The following KDM7A variants were observed in gnomAD, a reference collection of about 807,000 sequenced individuals.
KDM7A encodes lysine demethylase 7A.
A neutral mutation model predicts 114.8 loss-of-function variants in KDM7A; 28 were observed. That is an observed-to-expected ratio of 0.24 (90% CI 0.18 to 0.33). The LOEUF is 0.33. Ranked by LOEUF, KDM7A falls within the 10% of genes least tolerant of loss-of-function variation. The pLI is 1.00. For synonymous variants in KDM7A, 423 were observed against 397.8 expected (o/e 1.06, Z -0.75); for missense variants, 942 against 1,142.5 (o/e 0.82, Z 2.53).
At chr7:140,121,152 C>T (rs1818612444) in intron 7 of KDM7A, among the ~76,000 whole-genome samples, 3 of 152,274 alleles carry the variant, frequency 2.0e-5, no homozygotes, top group Middle Eastern at 3.4e-3. Flanking sequence ...AGATTACTCA[C>T]ATTTAATTAT....
chr7:140,092,266 T>A, intron 18 of KDM7A, 189 bp from the exon 19 acceptor site: 1 of 596,380 alleles, frequency 1.7e-6, no homozygotes, highest in Non-Finnish European at 2.9e-6. Context: ...GACTCGGGTC[T>A]TTAAGTTGCA....
intron 9 of KDM7A, among the ~76,000 whole-genome samples, chr7:140,115,463 G>A (rs961903681): frequency 6.6e-6 from 1 of 152,218 alleles, no homozygotes; most frequent in East Asian, 1.9e-4. Context: ...AAATTCTTCT[G>A]CCTTGGGATG....
rs765890685 is a variant in KDM7A, at chr7:140,129,524, T to C, written c.528A>G (p.Thr176=). 6 of 1,613,576 alleles carry C rather than the reference T, an allele frequency of 3.7e-6. No homozygotes were observed. In the Admixed American group the frequency reaches 5.0e-5, roughly 13 times the overall value. Reference sequence around the variant, plus strand: ...AACGTTCCACATCCATCACAGAAAATGTAGGTGAAGGGAGCCTGAGTCCTA... The same window carrying C: ...AACGTTCCACATCCATCACAGAAAACGTAGGTGAAGGGAGCCTGAGTCCTA... The part of the protein sequence containing the change: ...DDLGLRLPSP[T]FSVMDVERYV... The change falls in exon 4 of 20, where the codon ACA becomes ACG. Residue 176 remains threonine, a synonymous_variant. Transcript: ENST00000397560.
rs895233708 is a variant in KDM7A at position 140,127,158 on chromosome 7, G to C, written c.701+284C>G. ...GTATTTTTAGTAGAGAGGGGGTTAC[G>C]CCATGTTGGCCAGGCTGGTTTTGAA... On this transcript the variant is annotated intron_variant, in intron 5 of 19. Coordinates refer to ENST00000397560, the MANE Select transcript of KDM7A (RefSeq NM_030647.2). Among the ~76,000 whole-genome samples, 6 of 152,210 alleles carry C rather than the reference G, an allele frequency of 3.9e-5. No homozygotes were observed. The East Asian group carries it at 7.7e-4, about 20-fold the overall frequency.
rs1228460143 is a variant in KDM7A at position 140,127,601 on chromosome 7, A to T, written c.560-18T>A. 6.2e-7 allele frequency: 1 copy of T among 1,610,186 alleles called. No individual in the cohort carries two copies. The highest frequency in any genetic ancestry group is 1.3e-5 in the African/African-American group (1 of 74,806). On this transcript the variant is annotated intron_variant, in intron 4 of 19. Transcript: ENST00000397560. ...GTCACCACCTGCAGAGAAAAATTAC[A>T]GTCTTATTATTGGACTTAAGAGTTA...
Position 140,130,360 on chromosome 7 carries a change from CTG to C in KDM7A, c.399-709_399-708del, listed in dbSNP as rs777271845. 5.7e-4 allele frequency among the ~76,000 whole-genome samples: 87 copies of C among 152,274 alleles called. 1 individual carries two copies. Among genetic ancestry groups the C allele is most frequent in the Non-Finnish European group, 4.0e-4 (27 of 68,024 alleles). ...TCAGGCCAGGCACGGTGGCTCATGTCTGTAATTTCCAGCACTTTGGGAGGCTG... is the reference window on the plus strand; with the variant it reads ...TCAGGCCAGGCACGGTGGCTCATGTCTAATTTCCAGCACTTTGGGAGGCTG... On this transcript the variant is annotated intron_variant, in intron 3 of 19. Coordinates refer to ENST00000397560, the MANE Select transcript of KDM7A (RefSeq NM_030647.2).
At chr7:140,110,367 AT>A (rs1247233801) in intron 11 of KDM7A, among the ~76,000 whole-genome samples, 3 of 152,182 alleles carry the variant, frequency 2.0e-5, no homozygotes, top group Admixed American at 6.5e-5. Context: ...TTTCTCCTCT[AT>A]CTGAACACAT....
In KDM7A at chr7:140,085,710, TGGTTTA is replaced by T. The variant is rs1378781282; in HGVS notation, c.*5378_*5383del. On this transcript the variant is annotated 3_prime_UTR_variant, in exon 20 of 20. Coordinates refer to ENST00000397560, the MANE Select transcript of KDM7A (RefSeq NM_030647.2). ...ACCATAAACTGTAAGGCCCTTAGTTTGGTTTAGGTTTCTTTTGCAAGATAAAATAAC... is the reference window on the plus strand; with the variant it reads ...ACCATAAACTGTAAGGCCCTTAGTTTGGTTTCTTTTGCAAGATAAAATAAC... 1 of 152,182 alleles carries T rather than the reference TGGTTTA, an allele frequency of 6.6e-6. No homozygotes were observed. The highest frequency in any genetic ancestry group is 1.9e-4 in the East Asian group (1 of 5,200). 9.4% of individuals were successfully genotyped at this position (152,182 alleles called of 1,614,324 possible). A position where few individuals can be genotyped will look rare whatever the true frequency, so the allele number is the denominator to read the frequency against.
At chr7:140,097,906 CTGTTT>C (rs1344830896) in intron 14 of KDM7A, among the ~76,000 whole-genome samples, 2 of 152,194 alleles carry the variant, frequency 1.3e-5, no homozygotes, top group African/African-American at 4.8e-5. Context: ...GATGGATTGA[CTGTTT>C]TGTATTTCTT....
intron 2 of KDM7A, among the ~76,000 whole-genome samples, chr7:140,135,830 T>A (rs1818861096): frequency 1.3e-5 from 2 of 152,042 alleles, no homozygotes; most frequent in Non-Finnish European, 2.9e-5. Flanking sequence ...TACTAGTAAC[T>A]TACTTTCCTT....
At chr7:140,137,601 A>T (rs1049986039) in intron 2 of KDM7A, among the ~76,000 whole-genome samples, 14 of 152,254 alleles carry the variant, frequency 9.2e-5, no homozygotes, top group African/African-American at 3.1e-4. Flanking sequence ...AACATTTATG[A>T]CAATAAACTA....
intron 1 of KDM7A, among the ~76,000 whole-genome samples, chr7:140,144,334 CA>C (rs1260520714): frequency 1.3e-5 from 2 of 152,114 alleles, no homozygotes; most frequent in African/African-American, 4.8e-5. Context: ...TACCACACAC[CA>C]TATACAAAAA....
chr7:140,152,743 A>G (rs1329723966), intron 1 of KDM7A, among the ~76,000 whole-genome samples: 1 of 152,252 alleles, frequency 6.6e-6, no homozygotes, highest in Non-Finnish European at 1.5e-5. Context: ...TCTATTTCGA[A>G]ACATACAAGT....
intron 1 of KDM7A, among the ~76,000 whole-genome samples, chr7:140,143,128 C>T (rs1026377167): frequency 2.1e-4 from 30 of 145,926 alleles, no homozygotes; most frequent in African/African-American, 7.1e-4. Context: ...TGCAGTGAGC[C>T]GAGATGGTGC....
chr7:140,147,074 T>C (rs1794347027), intron 1 of KDM7A, among the ~76,000 whole-genome samples: 1 of 152,112 alleles, frequency 6.6e-6, no homozygotes, highest in Admixed American at 6.5e-5. Flanking sequence ...TCCTCCTTGA[T>C]GATACTTTAC....
At chr7:140,146,275 C>T (rs1794339366) in intron 1 of KDM7A, among the ~76,000 whole-genome samples, 2 of 152,062 alleles carry the variant, frequency 1.3e-5, no homozygotes, top group African/African-American at 4.8e-5. Context: ...ATTCCTAAAC[C>T]AAGAATTATC....
chr7:140,125,464 C>A (rs1454845094), intron 6 of KDM7A, among the ~76,000 whole-genome samples: 1 of 152,212 alleles, frequency 6.6e-6, no homozygotes, highest in Non-Finnish European at 1.5e-5. Flanking sequence ...TAATTACATT[C>A]CATTTTAATT....
intron 11 of KDM7A, among the ~76,000 whole-genome samples, chr7:140,103,600 T>C (rs1818274773): frequency 1.3e-5 from 2 of 152,216 alleles, no homozygotes; most frequent in African/African-American, 4.8e-5. Flanking sequence ...CTGAGAATGA[T>C]GGCTTCCAGT....
chr7:140,153,041 G>A (rs1794418410), intron 1 of KDM7A, among the ~76,000 whole-genome samples: 1 of 151,692 alleles, frequency 6.6e-6, no homozygotes. Flanking sequence ...TGTATTTTTA[G>A]TAGAGACAGG....
Sources: gnomAD v4.1 joint callset for allele counts (sites outside exome capture counted in the v4.1 genomes callset) on GRCh38, gnomAD v4.1.1 for gene constraint, MANE v1.5 for transcripts, NCBI Gene and HGNC (gene_info 2026-07-23, HGNC 2026-07-21) for gene names.